LOC128462377: variants seen among roughly 807,000 people sequenced by gnomAD.
At chr16:89,352,664 T>G in the LOC128462377 span, among the ~76,000 whole-genome samples, 1 of 152,146 alleles carries the variant, frequency 6.6e-6, no homozygotes, top group African/African-American at 2.4e-5. Context: ...AGCACCAAAG[T>G]GTTCTGTGCC....
chr16:89,384,441 C>A, the LOC128462377 span, among the ~76,000 whole-genome samples: 1 of 151,638 alleles, frequency 6.6e-6, no homozygotes, highest in African/African-American at 2.4e-5. Context: ...TGAGGCAGAG[C>A]AGAACGGGAT....
At chr16:89,408,906 C>A in the LOC128462377 span, among the ~76,000 whole-genome samples, 1 of 152,178 alleles carries the variant, frequency 6.6e-6, no homozygotes, top group East Asian at 1.9e-4. Flanking sequence ...CTCTCACAGA[C>A]CTTAGGAGTT....
At chr16:89,370,442 C>A in the LOC128462377 span, among the ~76,000 whole-genome samples, 1 of 152,130 alleles carries the variant, frequency 6.6e-6, no homozygotes, top group Non-Finnish European at 1.5e-5. Flanking sequence ...TTATCCAGGG[C>A]AAAGATGGCA....
chr16:89,349,134 T>TAAAAAAAAAAAAAAAAAAAAAAAA, the LOC128462377 span, among the ~76,000 whole-genome samples: 7 of 16,578 alleles, frequency 4.2e-4, 1 homozygote, highest in African/African-American at 5.6e-4. Flanking sequence ...TCTCAAAAAG[T>TAAAAAAAAAAAAAAAAAAAAAAAA]AAAAAAAAAA....
the LOC128462377 span, among the ~76,000 whole-genome samples, chr16:89,375,402 T>C: frequency 6.6e-6 from 1 of 152,026 alleles, no homozygotes; most frequent in Non-Finnish European, 1.5e-5. Context: ...TGCAGGGCAC[T>C]ATGGTCATGC....
chr16:89,371,398 TC>T, the LOC128462377 span, among the ~76,000 whole-genome samples: 2 of 152,146 alleles, frequency 1.3e-5, no homozygotes, highest in African/African-American at 2.4e-5. Context: ...ATCAAGTCAT[TC>T]CCTGCACAGA....
the LOC128462377 span, among the ~76,000 whole-genome samples, chr16:89,362,265 C>T: frequency 1.3e-5 from 2 of 152,206 alleles, no homozygotes; most frequent in Admixed American, 6.5e-5. Context: ...GGGATCTCAG[C>T]GTAAGCAGCT....
chr16:89,362,035 C>CTA, the LOC128462377 span, among the ~76,000 whole-genome samples: 2 of 152,304 alleles, frequency 1.3e-5, no homozygotes, highest in Admixed American at 1.3e-4. Flanking sequence ...CAAGACTAAC[C>CTA]CTCAAGTGCT....
the LOC128462377 span, among the ~76,000 whole-genome samples, chr16:89,397,385 G>T: frequency 3.9e-5 from 6 of 152,232 alleles, no homozygotes; most frequent in Non-Finnish European, 7.3e-5. Context: ...TTTTCTCAAA[G>T]AAGCTGAAGC....
chr16:89,319,484 C>T, the LOC128462377 span, among the ~76,000 whole-genome samples: 5 of 152,240 alleles, frequency 3.3e-5, no homozygotes, highest in East Asian at 1.9e-4. Flanking sequence ...TTTCTGGAGA[C>T]GTTTCTCCAG....
At chr16:89,375,822 G>C in the LOC128462377 span, among the ~76,000 whole-genome samples, 3 of 143,988 alleles carry the variant, frequency 2.1e-5, no homozygotes, top group African/African-American at 7.7e-5. Context: ...TTTTCATTGT[G>C]TTTACTCAAT....
At chr16:89,346,628 C>A in the LOC128462377 span, among the ~76,000 whole-genome samples, 1 of 152,066 alleles carries the variant, frequency 6.6e-6, no homozygotes, top group Non-Finnish European at 1.5e-5. Flanking sequence ...TTAAGAAATG[C>A]ATTTCTAAGG....
At chr16:89,352,347 G>A in the LOC128462377 span, among the ~76,000 whole-genome samples, 1 of 151,858 alleles carries the variant, frequency 6.6e-6, no homozygotes, top group Admixed American at 6.6e-5. Flanking sequence ...GAAGCCAGGG[G>A]TCTAGGCACC....
chr16:89,368,966 C>T, the LOC128462377 span, among the ~76,000 whole-genome samples: 1 of 152,090 alleles, frequency 6.6e-6, no homozygotes, highest in Non-Finnish European at 1.5e-5. Context: ...TCTTCGTGCT[C>T]GCCTGGAGGG....
chr16:89,417,844 A>C, the LOC128462377 span, among the ~76,000 whole-genome samples: 2 of 152,014 alleles, frequency 1.3e-5, no homozygotes, highest in Non-Finnish European at 2.9e-5. Flanking sequence ...ACCAGGCAAG[A>C]CCACCAGGAT....
the LOC128462377 span, among the ~76,000 whole-genome samples, chr16:89,372,524 G>A: frequency 2.0e-5 from 3 of 152,080 alleles, no homozygotes; most frequent in Admixed American, 6.5e-5. Flanking sequence ...TGACAGAGAC[G>A]CCACTGAAAC....
At chr16:89,321,932 C>T in the LOC128462377 span, among the ~76,000 whole-genome samples, 6 of 152,292 alleles carry the variant, frequency 3.9e-5, no homozygotes, top group Middle Eastern at 3.4e-3. Context: ...CGTGGAGACC[C>T]GCTGCTGCTG....
chr16:89,341,987 A>G, the LOC128462377 span, among the ~76,000 whole-genome samples: 1 of 146,594 alleles, frequency 6.8e-6, no homozygotes. Context: ...CTGCACCTCC[A>G]CCCACAGCGG....
the LOC128462377 span, among the ~76,000 whole-genome samples, chr16:89,417,909 C>T: frequency 2.0e-5 from 3 of 152,194 alleles, no homozygotes; most frequent in South Asian, 4.1e-4. Flanking sequence ...ACTGTTAACA[C>T]AACATGCTCA....
Sources: allele counts gnomAD v4.1 joint callset (sites outside exome capture counted in the v4.1 genomes callset), GRCh38; gene constraint gnomAD v4.1.1; transcripts MANE v1.5.